Variants in TMEM131L observed in about 807,000 individuals in gnomAD.
TMEM131L encodes transmembrane protein 131-like.
TMEM131L carries 54 observed loss-of-function variants against 192.2 expected under a neutral mutation model. The ratio of observed to expected loss-of-function variants is 0.28; its 90% CI spans 0.23 to 0.35. The LOEUF (loss-of-function observed/expected upper bound fraction) is 0.35. Ranked by LOEUF, TMEM131L falls within the 10% of genes least tolerant of loss-of-function variation. TMEM131L has a pLI of 1.00. For missense variants in TMEM131L, 1,888 were observed against 1,972.9 expected (o/e 0.96, Z 0.82); for synonymous variants, 701 against 704.9 (o/e 0.99, Z 0.09).
At chr4:153,635,950 G>T (rs1260398800) in intron 34 of TMEM131L, among the ~76,000 whole-genome samples, 1 of 152,106 alleles carries the variant, frequency 6.6e-6, no homozygotes, top group Non-Finnish European at 1.5e-5. Context: ...AGGTCAGTGG[G>T]TGGTCAGGGT....
intron 19 of TMEM131L, among the ~76,000 whole-genome samples, chr4:153,595,152 A>C (rs955357434): frequency 6.6e-6 from 1 of 152,224 alleles, no homozygotes; most frequent in Non-Finnish European, 1.5e-5. Flanking sequence ...CCTTGAAAAC[A>C]CTGAGTTAAA....
At chr4:153,501,676 G>T (rs1305265990) in intron 3 of TMEM131L, among the ~76,000 whole-genome samples, 1 of 152,132 alleles carries the variant, frequency 6.6e-6, no homozygotes. Context: ...TTAGGATTAG[G>T]ACCAGTTTCA....
intron 3 of TMEM131L, among the ~76,000 whole-genome samples, chr4:153,508,844 A>G (rs116018901): frequency 0.013 from 2,024 of 151,844 alleles, 43 homozygotes; most frequent in African/African-American, 0.046. Flanking sequence ...GGGTCTCACT[A>G]TCTTGCCCAG....
chr4:153,601,933 T>C (rs935691598), intron 21 of TMEM131L: 1 of 322,588 alleles, frequency 3.1e-6, no homozygotes, highest in Non-Finnish European at 5.5e-6. Flanking sequence ...GTAAGAAAAG[T>C]CTTGCCTACT....
At chr4:153,473,949 C>A in intron 3 of TMEM131L, 61 bp downstream of exon 3, 1 of 1,123,592 alleles carries the variant, frequency 8.9e-7, no homozygotes, top group South Asian at 1.4e-5. Context: ...TTTGGGTGCT[C>A]TCTGAAGTCT....
At chr4:153,488,570 G>C (rs141943543) in intron 3 of TMEM131L, among the ~76,000 whole-genome samples, 14 of 152,344 alleles carry the variant, frequency 9.2e-5, no homozygotes, top group Admixed American at 2.0e-4. Flanking sequence ...ACAGCAACCC[G>C]GGGATTCCCT....
chr4:153,567,902 C>G (rs1452198455), intron 7 of TMEM131L, among the ~76,000 whole-genome samples: 1 of 152,124 alleles, frequency 6.6e-6, no homozygotes, highest in Non-Finnish European at 1.5e-5. Context: ...TGGGGGCTCT[C>G]TGGAAATCCT....
chr4:153,471,502 G>T (rs1731157987), intron 2 of TMEM131L, among the ~76,000 whole-genome samples: 3 of 152,198 alleles, frequency 2.0e-5, no homozygotes, highest in South Asian at 2.1e-4. Context: ...GGCTAAGTCT[G>T]CAGGTAACAG....
chr4:153,629,429 A>G (rs1054599639), intron 31 of TMEM131L, among the ~76,000 whole-genome samples: 1 of 152,158 alleles, frequency 6.6e-6, no homozygotes, highest in Non-Finnish European at 1.5e-5. Context: ...CTGCATCATC[A>G]GTTTTTCTCT....
intron 16 of TMEM131L, among the ~76,000 whole-genome samples, chr4:153,590,405 AT>A (rs1730987654): frequency 6.6e-6 from 1 of 152,322 alleles, no homozygotes; most frequent in Admixed American, 6.5e-5. Flanking sequence ...AGTTTGTTCC[AT>A]TATTGGCATT....
At chr4:153,506,971 C>G (rs1318864823) in intron 3 of TMEM131L, among the ~76,000 whole-genome samples, 1 of 151,814 alleles carries the variant, frequency 6.6e-6, no homozygotes, top group African/African-American at 2.4e-5. Flanking sequence ...TAGCTGAAAA[C>G]TCTTGAAGGT....
rs770275284 is a variant in TMEM131L, at chr4:153,591,150, G to C, written c.1768G>C (p.Gly590Arg). Residue 590 changes from glycine to arginine, a missense_variant, in exon 17 of 35, where the codon GGC becomes CGC. Transcript: ENST00000409959. ...FFLPRLIAEP[G>R]LMLNFSATAL... ...TTTGCCTCGTTTGATCGCAGAGCCT[G>C]GCCTCATGTTAAACTTCAGCGCAAC... The C allele has an allele frequency of 2.5e-6, 4 of 1,610,648 alleles. No homozygotes were observed. The African/African-American group carries it at 5.4e-5, about 22-fold the overall frequency.
chr4:153,561,322 A>G (rs902995680), intron 7 of TMEM131L, among the ~76,000 whole-genome samples: 24 of 152,236 alleles, frequency 1.6e-4, no homozygotes, highest in East Asian at 1.2e-3. Context: ...CTCCCTTTCT[A>G]TAGGTTGTCT....
Position 153,602,717 on chromosome 4 carries a change from T to G in TMEM131L, c.2629T>G (p.Phe877Val), listed in dbSNP as rs763530915. The change falls in exon 23 of 35, where the codon TTC (phenylalanine) becomes GTC (valine). Residue 877 changes from phenylalanine (F) to valine (V), a missense_variant. By Grantham distance (50) the Phe-to-Val change is conservative. Transcript: ENST00000409959. ...WEESFWRLTVFFVSLSLLGVI... is the reference protein window; with the variant it reads ...WEESFWRLTVVFVSLSLLGVI... ...GGAGTCATTTTGGAGGCTCACGGTC[T>G]TCTTTGTCAGGTAAACCACTACTGT... The G allele has an allele frequency of 2.1e-5, 34 of 1,613,858 alleles. No homozygotes were observed. In the Admixed American group the frequency reaches 3.8e-4, roughly 18 times the overall value.
rs552249458 is a variant in TMEM131L, at chr4:153,508,849, G to A, written c.239+34961G>A. On this transcript the variant is annotated intron_variant, in intron 3 of 34. Transcript: ENST00000409959. ...CATAGAGAAGGGGTCTCACTATCTTGCCCAGGTTGGTCTCAAACTCCTGAG... is the reference window on the plus strand; with the variant it reads ...CATAGAGAAGGGGTCTCACTATCTTACCCAGGTTGGTCTCAAACTCCTGAG... Among the ~76,000 whole-genome samples, 4 of 151,818 alleles carry A rather than the reference G, an allele frequency of 2.6e-5. No homozygotes were observed. In the East Asian group the frequency reaches 7.8e-4, roughly 30 times the overall value.
At chr4:153,532,479 C>T (rs978790725) in intron 3 of TMEM131L, among the ~76,000 whole-genome samples, 1 of 150,904 alleles carries the variant, frequency 6.6e-6, no homozygotes, top group African/African-American at 2.4e-5. Flanking sequence ...AGATACAATT[C>T]ACATGGCATA....
rs199672694 is a variant in TMEM131L at position 153,602,497 on chromosome 4, A to G, written c.2454-45A>G. 7.2e-5 allele frequency: 115 copies of G among 1,599,448 alleles called. No homozygotes were observed. The East Asian group carries it at 2.4e-3, about 33-fold the overall frequency. On this transcript the variant is annotated intron_variant, in intron 22 of 34. Transcript: ENST00000409959. ...GTCATTATTTTGCCTTGTGGCTAAA[A>G]TCAAAACAATTAAAAGTTCATAAAG...
Position 153,473,853 on chromosome 4 carries a change from T to A in TMEM131L, c.204T>A (p.Ser68=), listed in dbSNP as rs1561109586. The change falls in exon 3 of 35, where the codon TCT becomes TCA. Residue 68 remains serine, a synonymous_variant. Coordinates refer to ENST00000409959, the MANE Select transcript of TMEM131L (RefSeq NM_001131007.2). ...GELLLPTQGD[S]EEGLEEPSQE... is the part of the protein sequence containing the mutation. ...ATGTTCTTTTTCAATAGGGTGATTCTGAAGAGGGTCTGGAGGAGCCTTCTC... is the reference window on the plus strand; with the variant it reads ...ATGTTCTTTTTCAATAGGGTGATTCAGAAGAGGGTCTGGAGGAGCCTTCTC... The A allele has an allele frequency of 6.5e-7, 1 of 1,543,968 alleles. No homozygotes were observed.
Position 153,632,972 on chromosome 4 carries a change from T to C in TMEM131L, c.4328+134T>C, listed in dbSNP as rs534310045. 44 of 976,442 alleles carry C rather than the reference T, an allele frequency of 4.5e-5. No individual in the cohort carries two copies. In the African/African-American group the frequency reaches 4.9e-4, roughly 11 times the overall value. 60.5% of individuals were successfully genotyped at this position (976,442 alleles called of 1,614,324 possible). ...TCCTTGGTGTACTTTAGCTGTGCGT[T>C]TCCTTCTGCCTTTTAGAGTTGCACT... is the stretch of plus-strand genomic sequence containing the variant. On this transcript the variant is annotated intron_variant, in intron 32 of 34. Coordinates refer to ENST00000409959, the MANE Select transcript of TMEM131L (RefSeq NM_001131007.2).
Sources: allele counts gnomAD v4.1 joint callset (sites outside exome capture counted in the v4.1 genomes callset), GRCh38; gene constraint gnomAD v4.1.1; transcripts MANE v1.5; gene names NCBI Gene and HGNC (gene_info 2026-07-23, HGNC 2026-07-21).